TTC39B: variants seen among roughly 807,000 people sequenced by gnomAD.
The protein encoded by TTC39B is tetratricopeptide repeat domain 39B.
In TTC39B, 92 loss-of-function variants were observed where a neutral mutation model predicts 96.6. The ratio of observed to expected loss-of-function variants is 0.95; its 90% CI spans 0.80 to 1.13. The LOEUF (loss-of-function observed/expected upper bound fraction) is 1.13. TTC39B is among the 50% of genes most tolerant of loss of function. TTC39B has a pLI of 0.00. For missense variants in TTC39B, 955 were observed against 809.3 expected (o/e 1.18, Z -2.18); for synonymous variants, 367 against 299.4 (o/e 1.23, Z -2.33).
chr9:15,166,891 T>C (rs917477448), exon 20 of TTC39B: 2 of 147,082 alleles, frequency 1.4e-5, no homozygotes, highest in African/African-American at 5.0e-5. Context: ...TAAAATGTCT[T>C]AATTATATAT....
At chr9:15,226,830 G>A (rs1399515764) in intron 2 of TTC39B, among the ~76,000 whole-genome samples, 1 of 151,974 alleles carries the variant, frequency 6.6e-6, no homozygotes, top group African/African-American at 2.4e-5. Flanking sequence ...GAGTTTAAGA[G>A]TAAGTCCTGC....
chr9:15,241,023 T>C (rs997744265), intron 2 of TTC39B, among the ~76,000 whole-genome samples: 4 of 152,268 alleles, frequency 2.6e-5, no homozygotes, highest in African/African-American at 7.2e-5. Flanking sequence ...TCAGCCCTCA[T>C]AGGAAGCTAA....
intron 1 of TTC39B, among the ~76,000 whole-genome samples, chr9:15,294,410 T>G (rs1213378449): frequency 6.6e-6 from 1 of 152,222 alleles, no homozygotes; most frequent in African/African-American, 2.4e-5. Flanking sequence ...CTGAAAACCC[T>G]GTAAGAACTT....
intron 1 of TTC39B, among the ~76,000 whole-genome samples, chr9:15,285,659 C>G (rs945104116): frequency 2.6e-5 from 4 of 152,176 alleles, no homozygotes. Flanking sequence ...TGGAGACCAT[C>G]CTGGCTAACA....
chr9:15,164,555 T>C (rs573771571), exon 20 of TTC39B: 1 of 152,312 alleles, frequency 6.6e-6, no homozygotes, highest in East Asian at 1.9e-4. Context: ...GCTTTGAGAA[T>C]AAATTTCAGT....
chr9:15,211,359 G>T lies in TTC39B; in HGVS notation c.521C>A (p.Thr174Asn), dbSNP rs1820190366. 8.8e-6 allele frequency: 14 copies of T among 1,594,672 alleles called. No individual in the cohort carries two copies. In the East Asian group the frequency reaches 3.2e-4, roughly 37 times the overall value. ...CAGGACAGCCTGCAACACCACAATG[G>T]TACTGTAGCCCAAGGCATGGTACAT... Residue 174 changes from threonine to asparagine, a missense_variant, in exon 5 of 20, where the codon ACC becomes AAC. Coordinates refer to ENST00000512701, the Ensembl canonical transcript of TTC39B.
chr9:15,182,360 G>T (rs778195317), exon 17 of TTC39B: 1 of 1,612,252 alleles, frequency 6.2e-7, no homozygotes, highest in Non-Finnish European at 8.5e-7. Flanking sequence ...CAGATTTTCA[G>T]AAAGGTCTTT....
rs557828937 is a variant in TTC39B, at chr9:15,196,904, T to C, written c.824+2957A>G. On this transcript the variant is annotated intron_variant, in intron 8 of 19. Transcript: ENST00000512701. ...GCTGTCCTTTTGTAAAAAATTGCCA[T>C]AGCCACCCCAACCTTCAGCAACCAC... Among the ~76,000 whole-genome samples, 13 of 152,272 alleles carry C rather than the reference T, an allele frequency of 8.5e-5. No homozygotes were observed. The South Asian group carries it at 2.3e-3, about 27-fold the overall frequency.
intron 1 of TTC39B, among the ~76,000 whole-genome samples, chr9:15,296,478 T>G (rs1019036847): frequency 6.6e-6 from 1 of 152,200 alleles, no homozygotes; most frequent in Admixed American, 6.5e-5. Context: ...GGTGCATGTG[T>G]GTCTCCACTG....
intron 2 of TTC39B, among the ~76,000 whole-genome samples, chr9:15,244,785 G>A (rs937488485): frequency 6.6e-6 from 1 of 152,190 alleles, no homozygotes; most frequent in African/African-American, 2.4e-5. Context: ...ATTTTCAGAT[G>A]TAGAGCAAAT....
chr9:15,210,732 A>G (rs145730734), intron 5 of TTC39B, among the ~76,000 whole-genome samples: 2 of 152,178 alleles, frequency 1.3e-5, no homozygotes, highest in Admixed American at 6.5e-5. Context: ...CAAACCAAGC[A>G]TCTTCCATAC....
chr9:15,201,730 G>GT (rs1819551291), intron 7 of TTC39B, among the ~76,000 whole-genome samples: 1 of 152,176 alleles, frequency 6.6e-6, no homozygotes. Context: ...AAACCCGTCA[G>GT]TGGCTTTCAA....
At chr9:15,175,550 C>T (rs529311304) in intron 18 of TTC39B, among the ~76,000 whole-genome samples, 1 of 152,074 alleles carries the variant, frequency 6.6e-6, no homozygotes, top group East Asian at 1.9e-4. Context: ...CTTTAAAAGG[C>T]CAATAAAGAA....
intron 2 of TTC39B, among the ~76,000 whole-genome samples, chr9:15,257,515 C>G (rs1822794289): frequency 1.3e-5 from 2 of 152,080 alleles, no homozygotes; most frequent in African/African-American, 4.8e-5. Flanking sequence ...GTGGCACCAT[C>G]ACAGCTCAAC....
At chr9:15,179,533 C>A (rs1438714089) in intron 17 of TTC39B, among the ~76,000 whole-genome samples, 1 of 152,178 alleles carries the variant, frequency 6.6e-6, no homozygotes, top group Admixed American at 6.5e-5. Context: ...TAACACATTA[C>A]CTTTTCTATT....
intron 6 of TTC39B, among the ~76,000 whole-genome samples, chr9:15,208,036 A>G (rs1357833785): frequency 6.8e-6 from 1 of 146,988 alleles, no homozygotes; most frequent in African/African-American, 2.5e-5. Flanking sequence ...TCAAATTATT[A>G]TTATTATTTT....
At chr9:15,243,314 T>C (rs1822128581) in intron 2 of TTC39B, among the ~76,000 whole-genome samples, 1 of 152,246 alleles carries the variant, frequency 6.6e-6, no homozygotes, top group African/African-American at 2.4e-5. Flanking sequence ...TGATGTAATT[T>C]TTAATTGACC....
intron 1 of TTC39B, among the ~76,000 whole-genome samples, chr9:15,294,787 A>C (rs1446876346): frequency 6.6e-6 from 1 of 152,204 alleles, no homozygotes; most frequent in South Asian, 2.1e-4. Flanking sequence ...ATCTTTACAC[A>C]ATGCCTGTGA....
intron 18 of TTC39B, among the ~76,000 whole-genome samples, chr9:15,176,699 C>T (rs1008771284): frequency 3.3e-5 from 5 of 152,122 alleles, no homozygotes; most frequent in Non-Finnish European, 5.9e-5. Flanking sequence ...TGGGCCCACA[C>T]TGTGCAAAGC....
Sources: allele counts gnomAD v4.1 joint callset (sites outside exome capture counted in the v4.1 genomes callset), GRCh38; gene constraint gnomAD v4.1.1; transcripts MANE v1.5; gene names NCBI Gene and HGNC (gene_info 2026-07-23, HGNC 2026-07-21).